Variants in TNFRSF11A observed in about 807,000 individuals in gnomAD.
TNFRSF11A encodes the protein TNF receptor superfamily member 11a, also known as tumor necrosis factor receptor superfamily member 11A.
Under a neutral mutation model 55.7 loss-of-function variants are expected in TNFRSF11A, and 32 were observed. The ratio of observed to expected loss-of-function variants is 0.57; its 90% CI spans 0.43 to 0.77. The LOEUF (loss-of-function observed/expected upper bound fraction) is 0.77. TNFRSF11A is among the 30% of genes least tolerant of loss of function. The pLI is 0.00. For synonymous variants in TNFRSF11A, 311 were observed against 331.0 expected (o/e 0.94, Z 0.65); for missense variants, 753 against 809.8 (o/e 0.93, Z 0.85).
chr18:62,369,446 G>T lies in TNFRSF11A; in HGVS notation c.1529G>T (p.Gly510Val), dbSNP rs144544966. Residue 510 changes from glycine to valine, a missense_variant, in exon 9 of 10, where the codon GGG becomes GTG. By Grantham distance (109) the Gly-to-Val change is moderately radical. Coordinates refer to ENST00000586569, the MANE Select transcript of TNFRSF11A (RefSeq NM_003839.4). ...RLPSSARAGA[G>V]SGSSPGGQSP... ...CCAAGCTCAGCGAGGGCAGGTGCCG[G>T]GTCTGGAAGCTCCCCTGGTGGCCAG... 1.7e-5 allele frequency: 27 copies of T among 1,609,752 alleles called. No homozygotes were observed. The African/African-American group carries it at 3.3e-4, about 20-fold the overall frequency.
chr18:62,358,144 C>T, intron 4 of TNFRSF11A, 104 bp from the exon 5 acceptor site: 1 of 1,088,178 alleles, frequency 9.2e-7, no homozygotes, highest in East Asian at 2.4e-5. Context: ...AGGGGCAGCG[C>T]CTCACCTCCA....
At chr18:62,336,256 T>C (rs2046231032) in intron 1 of TNFRSF11A, 1 of 152,220 alleles carries the variant, frequency 6.6e-6, no homozygotes, top group Non-Finnish European at 1.5e-5. Context: ...AGGAATGTAG[T>C]CTCAGGCTCT....
intron 1 of TNFRSF11A, among the ~76,000 whole-genome samples, chr18:62,330,149 C>T (rs1326028056): frequency 6.6e-6 from 1 of 152,176 alleles, no homozygotes; most frequent in African/African-American, 2.4e-5. Flanking sequence ...AAACAGAGAC[C>T]AAGGGCCACA....
intron 1 of TNFRSF11A, among the ~76,000 whole-genome samples, chr18:62,327,001 A>G (rs759109102): frequency 1.3e-4 from 19 of 151,858 alleles, no homozygotes; most frequent in Non-Finnish European, 2.2e-4. Context: ...TATAGCATCC[A>G]TAGGGGCTTC....
intron 1 of TNFRSF11A, among the ~76,000 whole-genome samples, chr18:62,335,795 G>A (rs943888981): frequency 6.6e-6 from 1 of 152,222 alleles, no homozygotes; most frequent in Non-Finnish European, 1.5e-5. Context: ...ATTTGATTCA[G>A]TGCTAGAAGG....
chr18:62,348,211 A>G lies in TNFRSF11A; in HGVS notation c.119A>G (p.Tyr40Cys). ...IAPPCTSEKH[Y>C]EHLGRCCNKC... ...CCTCCATGTACCAGTGAGAAGCATT[A>G]TGAGCATCTGGGACGGTGCTGTAAC... Residue 40 changes from tyrosine to cysteine, a missense_variant, in exon 2 of 10, where the codon TAT becomes TGT. By Grantham distance (194) the Tyr-to-Cys change is radical. Coordinates refer to ENST00000586569, the MANE Select transcript of TNFRSF11A (RefSeq NM_003839.4). 6.2e-7 allele frequency: 1 copy of G among 1,614,190 alleles called. No homozygotes were observed. The highest frequency in any genetic ancestry group is 8.5e-7 in the Non-Finnish European group (1 of 1,180,036).
chr18:62,341,237 A>G (rs750269068), intron 1 of TNFRSF11A, among the ~76,000 whole-genome samples: 5 of 152,158 alleles, frequency 3.3e-5, no homozygotes, highest in Non-Finnish European at 7.3e-5. Context: ...GACTCGGACC[A>G]CTCATCGCCA....
chr18:62,350,596 C>A (rs2046453482), intron 3 of TNFRSF11A, among the ~76,000 whole-genome samples: 1 of 152,088 alleles, frequency 6.6e-6, no homozygotes. Context: ...CCGGCCTATC[C>A]CCTTTAAAGA....
In TNFRSF11A at chr18:62,342,119, G is replaced by T. The variant is rs564538216; in HGVS notation, c.76-6049G>T. Among the ~76,000 whole-genome samples the T allele has an allele frequency of 2.8e-4, 42 of 150,902 alleles. No individual in the cohort carries two copies. In the Middle Eastern group the frequency reaches 0.014, roughly 49 times the overall value. On this transcript the variant is annotated intron_variant, in intron 1 of 9. Transcript: ENST00000586569. ...TGCTTTGCTAAAATTCCCATGTGCA[G>T]ACTGGGTGTGGTGTCTCACGCCTGT...
At position 62,387,720 on chromosome 18, in the gene TNFRSF11A, T is replaced by C. The variant is rs1032521862; in HGVS notation, c.*2686T>C. 6.6e-6 allele frequency: 1 copy of C among 152,212 alleles called. No homozygotes were observed. The highest frequency in any genetic ancestry group is 1.9e-4 in the East Asian group (1 of 5,206). 9.4% of individuals were successfully genotyped at this position (152,212 alleles called of 1,614,324 possible). Reference sequence around the variant, plus strand: ...TTTACTCAGCTGTCGGAAGGAAGAATGAATTTCTCAAGAGCAGTTTGAATG... The same window carrying C: ...TTTACTCAGCTGTCGGAAGGAAGAACGAATTTCTCAAGAGCAGTTTGAATG... On this transcript the variant is annotated 3_prime_UTR_variant, in exon 10 of 10. Coordinates refer to ENST00000586569, the MANE Select transcript of TNFRSF11A (RefSeq NM_003839.4).
chr18:62,350,544 G>A (rs1287997081), intron 3 of TNFRSF11A, among the ~76,000 whole-genome samples: 2 of 152,004 alleles, frequency 1.3e-5, no homozygotes, highest in East Asian at 1.9e-4. Context: ...TGCCCGCCTC[G>A]GCCTTCCAAA....
intron 7 of TNFRSF11A, among the ~76,000 whole-genome samples, chr18:62,363,016 G>A (rs1909806877): frequency 6.6e-6 from 1 of 151,898 alleles, no homozygotes; most frequent in Non-Finnish European, 1.5e-5. Flanking sequence ...GCTAATTTTT[G>A]TATTTTTAGT....
intron 9 of TNFRSF11A, among the ~76,000 whole-genome samples, chr18:62,380,250 A>T (rs369550157): frequency 0.085 from 12,915 of 152,148 alleles, 713 homozygotes; most frequent in African/African-American, 0.15. Flanking sequence ...TAACTTTTTT[A>T]AAAAAGGTTT....
At position 62,361,773 on chromosome 18, in the gene TNFRSF11A, A is replaced by C; in HGVS notation, c.710A>C (p.Lys237Thr). The C allele has an allele frequency of 1.2e-6, 2 of 1,614,074 alleles. No homozygotes were observed. Among genetic ancestry groups the C allele is most frequent in the South Asian group, 2.2e-5 (2 of 91,080 alleles). Residue 237 changes from lysine (K) to threonine (T), a missense_variant, in exon 7 of 10, where the codon AAA (lysine) becomes ACA (threonine). Lys to Thr is a moderately conservative substitution (Grantham distance 78, BLOSUM62 -1). Around this residue, in one of 3 missense-constraint regions of TNFRSF11A, gnomAD observed 567 missense variants for 596.7 expected, o/e 0.95. Coordinates refer to ENST00000586569, the MANE Select transcript of TNFRSF11A (RefSeq NM_003839.4). ...AAIIFGVCYR[K>T]KGKALTANLW... The stretch of plus-strand genomic sequence containing the variant: ...ATCATCTTTGGCGTTTGCTATAGGA[A>C]AAAAGGGAAAGCACTCACAGGTATT...
At chr18:62,331,770 T>G (rs900552365) in intron 1 of TNFRSF11A, among the ~76,000 whole-genome samples, 1 of 152,232 alleles carries the variant, frequency 6.6e-6, no homozygotes, top group Admixed American at 6.5e-5. Flanking sequence ...AAAAACTGTT[T>G]GCTTGCATGA....
In TNFRSF11A at chr18:62,376,597, C is replaced by T. The variant is rs1021933147; in HGVS notation, c.1567+7113C>T. Among the ~76,000 whole-genome samples, 17 of 152,210 alleles carry T rather than the reference C, an allele frequency of 1.1e-4. No homozygotes were observed. The Middle Eastern group carries it at 0.014, about 122-fold the overall frequency. ...TGGTACATTTGCTGCACTTGACGAG[C>T]GCATATTGACACATTGGGGTCCACT... On this transcript the variant is annotated intron_variant, in intron 9 of 9. Transcript: ENST00000586569.
chr18:62,341,311 C>T (rs898329843), intron 1 of TNFRSF11A, among the ~76,000 whole-genome samples: 8 of 152,220 alleles, frequency 5.3e-5, no homozygotes. Flanking sequence ...TGAAATCAAA[C>T]ATGCTTTTTA....
intron 9 of TNFRSF11A, among the ~76,000 whole-genome samples, chr18:62,384,444 T>TCTCCTC (rs538876425): frequency 5.8e-5 from 7 of 119,764 alleles, no homozygotes; most frequent in African/African-American, 2.4e-4. Flanking sequence ...CTTTCTTTCC[T>TCTCCTC]CTCCTCCTCC....
chr18:62,327,447 G>T (rs955745287), intron 1 of TNFRSF11A, among the ~76,000 whole-genome samples: 8 of 152,146 alleles, frequency 5.3e-5, no homozygotes, highest in African/African-American at 1.4e-4. Context: ...ATTTTACTTG[G>T]TGCCCAACCT....
Sources: gnomAD v4.1 joint callset for allele counts (sites outside exome capture counted in the v4.1 genomes callset) on GRCh38, gnomAD v4.1.1 for gene constraint, gnomAD v4.1.1 regional missense constraint, MANE v1.5 for transcripts, NCBI Gene and HGNC (gene_info 2026-07-23, HGNC 2026-07-21) for gene names.